The following ATP10A variants were observed in gnomAD, a reference collection of about 807,000 sequenced individuals.
The protein encoded by ATP10A is ATPase phospholipid transporting 10A (putative).
In ATP10A, 111 loss-of-function variants were observed where a neutral mutation model predicts 147.8. The observed-to-expected ratio is 0.75, with a 90% CI of 0.64 to 0.88. The LOEUF is 0.88. Among genes scored for constraint, ATP10A ranks in the 40% least tolerant of loss-of-function variants. The pLI is 0.00. For missense variants in ATP10A, 1,927 were observed against 1,959.0 expected (o/e 0.98, Z 0.31); for synonymous variants, 875 against 841.6 (o/e 1.04, Z -0.69).
At chr15:25,706,930 G>A (rs568497756) in intron 12 of ATP10A, among the ~76,000 whole-genome samples, 19 of 152,254 alleles carry the variant, frequency 1.2e-4, no homozygotes, top group East Asian at 1.9e-4. Context: ...CAGTCCAGAC[G>A]ACAGCAGCCC....
At chr15:25,859,984 G>C (rs1382318823) in intron 1 of ATP10A, among the ~76,000 whole-genome samples, 1 of 152,124 alleles carries the variant, frequency 6.6e-6, no homozygotes, top group Non-Finnish European at 1.5e-5. Context: ...AGCAACACTT[G>C]GAGGAAGCGC....
chr15:25,694,077 G>T (rs972774741), intron 14 of ATP10A, among the ~76,000 whole-genome samples: 1 of 151,942 alleles, frequency 6.6e-6, no homozygotes, highest in African/African-American at 2.4e-5. Context: ...CCCTCACCAG[G>T]AGGTGGTGCT....
intron 2 of ATP10A, among the ~76,000 whole-genome samples, chr15:25,751,786 A>T (rs921109370): frequency 2.6e-5 from 4 of 152,170 alleles, no homozygotes; most frequent in Admixed American, 2.0e-4. Context: ...TTAATATCCA[A>T]AGTATACAAG....
intron 2 of ATP10A, among the ~76,000 whole-genome samples, chr15:25,740,297 C>T (rs1887516399): frequency 6.6e-6 from 1 of 152,218 alleles, no homozygotes; most frequent in Admixed American, 6.5e-5. Context: ...CATATTGCTT[C>T]AGCCATTGGG....
intron 1 of ATP10A, among the ~76,000 whole-genome samples, chr15:25,858,123 A>T (rs1326812393): frequency 6.6e-6 from 1 of 152,210 alleles, no homozygotes; most frequent in Non-Finnish European, 1.5e-5. Context: ...TCCAACAAAC[A>T]TGTGAATGGC....
At chr15:25,692,956 A>T (rs1262708661) in intron 14 of ATP10A, among the ~76,000 whole-genome samples, 1 of 151,458 alleles carries the variant, frequency 6.6e-6, no homozygotes, top group Non-Finnish European at 1.5e-5. Context: ...ACATGCCACC[A>T]CACCCAGCCA....
intron 1 of ATP10A, among the ~76,000 whole-genome samples, chr15:25,836,406 G>A (rs1432733609): frequency 3.3e-5 from 5 of 151,974 alleles, no homozygotes; most frequent in Non-Finnish European, 5.9e-5. Flanking sequence ...CATCCTACAG[G>A]TCCAGCTTGG....
intron 2 of ATP10A, among the ~76,000 whole-genome samples, chr15:25,739,533 G>C (rs1887471772): frequency 6.6e-6 from 1 of 152,148 alleles, no homozygotes; most frequent in South Asian, 2.1e-4. Flanking sequence ...AATCCTGTAG[G>C]ATGCAGAGAT....
intron 1 of ATP10A, among the ~76,000 whole-genome samples, chr15:25,830,297 C>T (rs1393540261): frequency 6.6e-6 from 1 of 152,148 alleles, no homozygotes; most frequent in Non-Finnish European, 1.5e-5. Context: ...CTAAGGGGTG[C>T]TCTGCAGAGC....
intron 1 of ATP10A, among the ~76,000 whole-genome samples, chr15:25,818,769 G>A (rs1460310270): frequency 6.6e-6 from 1 of 152,034 alleles, no homozygotes; most frequent in Non-Finnish European, 1.5e-5. Context: ...ACAGACCAAT[G>A]GAATGGAAGA....
rs1021660722 is a variant in ATP10A, at chr15:25,819,474, G to A, written c.450-38251C>T. Reference sequence around the variant, plus strand: ...AAGGGAACGCTTAAACACTGGTGGTGGAAATGTAAATTAGTACAAATCTAT... The same window carrying A: ...AAGGGAACGCTTAAACACTGGTGGTAGAAATGTAAATTAGTACAAATCTAT... On this transcript the variant is annotated intron_variant, in intron 1 of 20. Transcript: ENST00000555815. Among the ~76,000 whole-genome samples, 4 of 152,144 alleles carry A rather than the reference G, an allele frequency of 2.6e-5. 1 individual carries two copies. Among genetic ancestry groups the A allele is most frequent in the African/African-American group, 4.8e-5 (2 of 41,486 alleles).
At chr15:25,697,356 TCATAA>T (rs1371563952) in intron 13 of ATP10A, among the ~76,000 whole-genome samples, 3 of 152,188 alleles carry the variant, frequency 2.0e-5, no homozygotes, top group African/African-American at 4.8e-5. Flanking sequence ...ATGGCCAGTG[TCATAA>T]CATAATATTC....
chr15:25,786,563 C>T lies in ATP10A; in HGVS notation c.450-5340G>A, dbSNP rs117519506. Among the ~76,000 whole-genome samples the T allele has an allele frequency of 4.2e-3, 639 of 151,502 alleles. 2 individuals carry two copies. The highest frequency in any genetic ancestry group is 0.027 in the Middle Eastern group (8 of 294). On this transcript the variant is annotated intron_variant, in intron 1 of 20. Coordinates refer to ENST00000555815, the MANE Select transcript of ATP10A (RefSeq NM_024490.4). ...GCTTGGGACAGGTCTTTAGGCCACA[C>T]CAGCAGGAGCTCTAGACGCTAAATT...
intron 15 of ATP10A, among the ~76,000 whole-genome samples, chr15:25,691,379 G>T (rs1230418556): frequency 6.6e-6 from 1 of 152,156 alleles, no homozygotes; most frequent in Non-Finnish European, 1.5e-5. Context: ...CGTGTTCACG[G>T]ACAGTAAAAA....
intron 9 of ATP10A, among the ~76,000 whole-genome samples, chr15:25,714,965 TACACACACAC>T (rs10523875): frequency 0.054 from 7,872 of 145,590 alleles, 226 homozygotes; most frequent in East Asian, 0.14. Context: ...ATGACACATA[TACACACACAC>T]ACACACACAC....
chr15:25,713,143 G>A (rs1901546111), intron 10 of ATP10A, among the ~76,000 whole-genome samples: 1 of 152,212 alleles, frequency 6.6e-6, no homozygotes, highest in African/African-American at 2.4e-5. Flanking sequence ...TGGAGGTGAG[G>A]CTGCACTCCT....
intron 12 of ATP10A, among the ~76,000 whole-genome samples, chr15:25,702,393 A>G (rs1056263369): frequency 6.6e-6 from 1 of 152,246 alleles, no homozygotes; most frequent in Non-Finnish European, 1.5e-5. Context: ...TACTTACACC[A>G]AAGTACCTCA....
At chr15:25,723,324 G>T (rs1268967623) in intron 6 of ATP10A, among the ~76,000 whole-genome samples, 1 of 150,732 alleles carries the variant, frequency 6.6e-6, no homozygotes, top group Non-Finnish European at 1.5e-5. Context: ...CTCCAGCCTG[G>T]CGACAAAACA....
intron 6 of ATP10A, among the ~76,000 whole-genome samples, chr15:25,723,489 T>C (rs1902372717): frequency 1.3e-5 from 2 of 152,250 alleles, no homozygotes; most frequent in African/African-American, 4.8e-5. Flanking sequence ...CTGTAAAATT[T>C]ATTTAGAAAA....
Sources: gnomAD v4.1 joint callset for allele counts (sites outside exome capture counted in the v4.1 genomes callset) on GRCh38, gnomAD v4.1.1 for gene constraint, MANE v1.5 for transcripts, NCBI Gene and HGNC (gene_info 2026-07-23, HGNC 2026-07-21) for gene names.